The following RGS7 variants were observed in gnomAD, a reference collection of about 807,000 sequenced individuals.
RGS7 encodes the protein regulator of G protein signaling 7.
A neutral mutation model predicts 81.1 loss-of-function variants in RGS7; 27 were observed. The ratio of observed to expected loss-of-function variants is 0.33; its 90% CI spans 0.25 to 0.46. The LOEUF is 0.46. Among genes scored for constraint, RGS7 ranks in the 20% least tolerant of loss-of-function variants. The pLI is 1.00. For missense variants in RGS7, 396 were observed against 607.4 expected, an observed-to-expected ratio of 0.65 and a Z score of 3.66; for synonymous variants, 208 against 207.7, an observed-to-expected ratio of 1.00 and a Z score of -0.01.
intron 2 of RGS7, among the ~76,000 whole-genome samples, chr1:241,270,894 G>A (rs1341272838): frequency 1.4e-5 from 2 of 140,470 alleles, no homozygotes; most frequent in Non-Finnish European, 1.5e-5. Context: ...CAGTAGCTGG[G>A]GCTACAGGAG....
chr1:240,971,280 C>G (rs1683171852), intron 4 of RGS7, among the ~76,000 whole-genome samples: 3 of 152,170 alleles, frequency 2.0e-5, no homozygotes, highest in Admixed American at 1.3e-4. Context: ...CCCAGTTTCC[C>G]AAACTGTGAG....
At chr1:241,082,825 G>T (rs557592401) in intron 3 of RGS7, among the ~76,000 whole-genome samples, 1 of 152,266 alleles carries the variant, frequency 6.6e-6, no homozygotes, top group Admixed American at 6.5e-5. Context: ...TATATCACAT[G>T]TACTGCCAAA....
chr1:241,083,288 CAAAAA>C (rs1288877400), intron 3 of RGS7, among the ~76,000 whole-genome samples: 1 of 143,022 alleles, frequency 7.0e-6, no homozygotes, highest in South Asian at 2.2e-4. Context: ...CAAAACAAGA[CAAAAA>C]AAAAGAAAAG....
In RGS7 at chr1:241,355,786, A is replaced by G; in HGVS notation, c.-10T>C. 6.2e-7 allele frequency: 1 copy of G among 1,613,420 alleles called. No individual in the cohort carries two copies. Among genetic ancestry groups the G allele is most frequent in the Non-Finnish European group, 8.5e-7 (1 of 1,179,458 alleles). On this transcript the variant is annotated 5_prime_UTR_variant, in exon 2 of 19. Coordinates refer to ENST00000440928, the MANE Select transcript of RGS7 (RefSeq NM_001364886.1). ...TATTCCCCTGGGCCATGTCACCCAA[A>G]ACTTGGTCCACTCTCAAGATACAAG...
chr1:241,138,021 A>C (rs1008337940), intron 2 of RGS7, among the ~76,000 whole-genome samples: 2 of 151,938 alleles, frequency 1.3e-5, no homozygotes, highest in Non-Finnish European at 2.9e-5. Flanking sequence ...AAATACAAAA[A>C]TTAGCCGGGT....
chr1:241,266,677 T>C (rs894654490), intron 2 of RGS7, among the ~76,000 whole-genome samples: 1 of 152,226 alleles, frequency 6.6e-6, no homozygotes, highest in Admixed American at 6.5e-5. Flanking sequence ...TCTTCCACAC[T>C]TTGTAGGACT....
chr1:240,975,314 A>C (rs1417354132), intron 4 of RGS7, among the ~76,000 whole-genome samples: 1 of 152,178 alleles, frequency 6.6e-6, no homozygotes, highest in East Asian at 1.9e-4. Context: ...AGGCAGGAGA[A>C]TAGCTTGAAC....
At chr1:241,332,975 T>A (rs1380196559) in intron 2 of RGS7, among the ~76,000 whole-genome samples, 2 of 152,228 alleles carry the variant, frequency 1.3e-5, no homozygotes, top group Non-Finnish European at 2.9e-5. Flanking sequence ...TTCACAATGA[T>A]GAACAGTGAT....
chr1:241,002,214 A>T (rs1688247582), intron 3 of RGS7, among the ~76,000 whole-genome samples: 1 of 152,114 alleles, frequency 6.6e-6, no homozygotes, highest in Non-Finnish European at 1.5e-5. Flanking sequence ...TGGGAGGCCG[A>T]GGCGGGTGGA....
At chr1:240,993,109 GGGAGGGAA>G (rs1316374931) in intron 3 of RGS7, among the ~76,000 whole-genome samples, 25 of 122,528 alleles carry the variant, frequency 2.0e-4, no homozygotes, top group Admixed American at 1.1e-3. Flanking sequence ...GAGGGAGGGA[GGGAGGGAA>G]GGAAGGAAGG....
intron 2 of RGS7, among the ~76,000 whole-genome samples, chr1:241,299,159 A>G (rs1014622737): frequency 6.6e-6 from 1 of 152,202 alleles, no homozygotes; most frequent in African/African-American, 2.4e-5. Context: ...GAAATAATAC[A>G]TATTTAAGCA....
chr1:240,808,905 T>A lies in RGS7; in HGVS notation c.1083-2579A>T, dbSNP rs576938228. Among the ~76,000 whole-genome samples, 18 of 45,864 alleles carry A rather than the reference T, an allele frequency of 3.9e-4. No homozygotes were observed. The East Asian group carries it at 5.4e-3, about 14-fold the overall frequency. 30.1% of individuals were successfully genotyped at this position (45,864 alleles called of 152,430 possible). A position where few individuals can be genotyped will look rare whatever the true frequency, so the allele number is the denominator to read the frequency against. On this transcript the variant is annotated intron_variant, in intron 14 of 18. Transcript: ENST00000440928. ...AAAAAAAAAAAAAATCCTATATCCT[T>A]TATATAGGTGGAAGCTAAGTAAGTA... is the stretch of plus-strand genomic sequence containing the variant.
At chr1:241,225,642 G>A (rs1446843383) in intron 2 of RGS7, among the ~76,000 whole-genome samples, 1 of 152,176 alleles carries the variant, frequency 6.6e-6, no homozygotes, top group East Asian at 1.9e-4. Context: ...AGGCCTTTGA[G>A]TGACTATGAT....
chr1:241,041,594 T>C lies in RGS7; in HGVS notation c.175+57072A>G, dbSNP rs114423138. ...CTAGTGGCAAAGGTGCCCCCATTCC[T>C]TTGACCCCAAAACTCCCACTTCCCC... On this transcript the variant is annotated intron_variant, in intron 3 of 18. Transcript: ENST00000440928. 8.4e-3 allele frequency among the ~76,000 whole-genome samples: 1,271 copies of C among 152,204 alleles called. 24 individuals carry two copies. The highest frequency in any genetic ancestry group is 0.03 in the African/African-American group (1,237 of 41,544).
At chr1:241,061,452 T>C (rs142436293) in intron 3 of RGS7, among the ~76,000 whole-genome samples, 4 of 152,298 alleles carry the variant, frequency 2.6e-5, no homozygotes, top group African/African-American at 9.6e-5. Flanking sequence ...GTTCAGAGCT[T>C]TACGATCTCC....
intron 2 of RGS7, among the ~76,000 whole-genome samples, chr1:241,122,882 G>T (rs558881849): frequency 2.0e-5 from 3 of 152,162 alleles, no homozygotes; most frequent in African/African-American, 7.2e-5. Context: ...GTCAAAATAC[G>T]GTTTCTACTG....
At chr1:240,813,098 C>A (rs922399075) in intron 13 of RGS7, among the ~76,000 whole-genome samples, 27 of 152,198 alleles carry the variant, frequency 1.8e-4, no homozygotes, top group African/African-American at 4.3e-4. Context: ...TGATGTAGTT[C>A]TTTCCCTAGA....
At chr1:240,909,447 T>C (rs1345660726) in intron 6 of RGS7, among the ~76,000 whole-genome samples, 1 of 152,204 alleles carries the variant, frequency 6.6e-6, no homozygotes, top group African/African-American at 2.4e-5. Context: ...ACTTTATTAT[T>C]ATCGCTAAGT....
intron 2 of RGS7, among the ~76,000 whole-genome samples, chr1:241,306,122 T>C (rs533274621): frequency 9.5e-6 from 1 of 104,990 alleles, no homozygotes; most frequent in Admixed American, 1.1e-4. Flanking sequence ...TTCTCTCATC[T>C]CTTTTTCACA....
Sources: allele counts gnomAD v4.1 joint callset (sites outside exome capture counted in the v4.1 genomes callset), GRCh38; gene constraint gnomAD v4.1.1; transcripts MANE v1.5; gene names NCBI Gene and HGNC (gene_info 2026-07-23, HGNC 2026-07-21).